COL28A1: variants seen among roughly 807,000 people sequenced by gnomAD.
COL28A1 encodes the protein collagen type XXVIII alpha 1 chain.
In COL28A1, 161 loss-of-function variants were observed where a neutral mutation model predicts 150.2. The observed-to-expected ratio is 1.07, with a 90% CI of 0.94 to 1.22. COL28A1 has a LOEUF of 1.22. COL28A1 is among the 50% of genes most tolerant of loss of function. COL28A1 has a pLI of 0.00. For missense variants in COL28A1, 1,617 were observed against 1,388.3 expected, an observed-to-expected ratio of 1.16 and a Z score of -2.62; for synonymous variants, 552 against 469.7, an observed-to-expected ratio of 1.18 and a Z score of -2.26.
At chr7:7,483,093 A>G (rs1383670224) in intron 13 of COL28A1, among the ~76,000 whole-genome samples, 1 of 152,172 alleles carries the variant, frequency 6.6e-6, no homozygotes, top group Non-Finnish European at 1.5e-5. Context: ...AGATTTTTGG[A>G]TTTTACAATG....
chr7:7,480,222 A>AT (rs1244813120), intron 13 of COL28A1, among the ~76,000 whole-genome samples: 5 of 152,092 alleles, frequency 3.3e-5, no homozygotes, highest in African/African-American at 4.8e-5. Flanking sequence ...TCAGTGTTTA[A>AT]TTTTTTTGTC....
chr7:7,433,697 A>T (rs2128315131), intron 23 of COL28A1, among the ~76,000 whole-genome samples: 1 of 152,120 alleles, frequency 6.6e-6, no homozygotes, highest in East Asian at 1.9e-4. Context: ...TAAAACTTGT[A>T]ATACTTCTTT....
chr7:7,526,723 C>T (rs1287410037), intron 3 of COL28A1, among the ~76,000 whole-genome samples: 5 of 152,068 alleles, frequency 3.3e-5, no homozygotes, highest in Non-Finnish European at 7.4e-5. Flanking sequence ...GCAACCTCCA[C>T]CTCCTGGGTT....
intron 33 of COL28A1, among the ~76,000 whole-genome samples, chr7:7,365,026 T>A (rs1197568197): frequency 3.3e-5 from 5 of 152,114 alleles, no homozygotes; most frequent in Non-Finnish European, 5.9e-5. Context: ...TAAAAAAAAT[T>A]AGGCCCTAAC....
At chr7:7,343,853 C>A in the COL28A1 span, among the ~76,000 whole-genome samples, 3 of 151,806 alleles carry the variant, frequency 2.0e-5, no homozygotes, top group Non-Finnish European at 4.4e-5. Flanking sequence ...ACAAAAAAAT[C>A]AAAAATTAGT....
At position 7,532,793 on chromosome 7, in the gene COL28A1, CCTTT is replaced by C; in HGVS notation, c.79_82del (p.Lys27AspfsTer20). ...CCTTGCAAGCAAATTTGATTTTGGT[CCTTT>C]CTTTCTTTGTCCGGATACTGTTTGA... On this transcript the variant is annotated frameshift_variant, in exon 2 of 35. Coordinates refer to ENST00000399429, the MANE Select transcript of COL28A1 (RefSeq NM_001037763.3). LOFTEE classifies it high-confidence loss of function. 1 of 1,611,034 alleles carries C rather than the reference CCTTT, an allele frequency of 6.2e-7. No individual in the cohort carries two copies. Among genetic ancestry groups the C allele is most frequent in the Non-Finnish European group, 8.5e-7 (1 of 1,178,938 alleles).
chr7:7,472,046 C>G (rs529909817), intron 15 of COL28A1, among the ~76,000 whole-genome samples: 2 of 152,296 alleles, frequency 1.3e-5, no homozygotes, highest in East Asian at 3.9e-4. Context: ...CCATCTATGA[C>G]AAACCCATAG....
At position 7,504,065 on chromosome 7, in the gene COL28A1, G is replaced by C. The variant is rs571365667; in HGVS notation, c.1026+1949C>G. On this transcript the variant is annotated intron_variant, in intron 11 of 34. Transcript: ENST00000399429. ...TTATGCTGTAAAAGTCAACCACAAA[G>C]TGCTATTATGTCAGAAAAATTATAA... Among the ~76,000 whole-genome samples, 3 of 152,234 alleles carry C rather than the reference G, an allele frequency of 2.0e-5. No homozygotes were observed. The East Asian group carries it at 5.8e-4, about 29-fold the overall frequency.
In COL28A1 at chr7:7,362,154, A is replaced by G. The variant is rs925947390; in HGVS notation, c.3067-1626T>C. Among the ~76,000 whole-genome samples, 3 of 152,210 alleles carry G rather than the reference A, an allele frequency of 2.0e-5. No individual in the cohort carries two copies. In the South Asian group the frequency reaches 6.2e-4, roughly 31 times the overall value. On this transcript the variant is annotated intron_variant, in intron 33 of 34. Transcript: ENST00000399429. ...TGTAACAAACCTGCACATTCTGCAC[A>G]TGTATCCCAGAACTTAAAGTATAAT...
the COL28A1 span, among the ~76,000 whole-genome samples, chr7:7,339,528 C>A: frequency 6.6e-6 from 1 of 152,126 alleles, no homozygotes; most frequent in Non-Finnish European, 1.5e-5. Context: ...CCTCGGCAGA[C>A]TTCTCTTTGA....
chr7:7,444,145 T>G (rs890332294), intron 19 of COL28A1, among the ~76,000 whole-genome samples: 1 of 151,948 alleles, frequency 6.6e-6, no homozygotes, highest in Non-Finnish European at 1.5e-5. Context: ...TTCTCTTAAG[T>G]TTAAATTAAT....
chr7:7,381,184 T>C (rs1410817675), intron 28 of COL28A1, among the ~76,000 whole-genome samples: 2 of 152,246 alleles, frequency 1.3e-5, no homozygotes, highest in East Asian at 1.9e-4. Flanking sequence ...CTACATGGTA[T>C]GTTGTAAGTA....
downstream of COL28A1, among the ~76,000 whole-genome samples, chr7:7,354,819 C>A (rs1377607744): frequency 1.3e-5 from 2 of 152,130 alleles, no homozygotes; most frequent in African/African-American, 4.8e-5. Context: ...TGTAACCCAG[C>A]AGGTTTGGCT....
intron 27 of COL28A1, among the ~76,000 whole-genome samples, chr7:7,383,892 A>T (rs910050206): frequency 6.6e-6 from 1 of 152,012 alleles, no homozygotes; most frequent in Admixed American, 6.6e-5. Context: ...CTAGGAGGAA[A>T]CTCTTACATC....
At chr7:7,480,682 C>A (rs1789317273) in intron 13 of COL28A1, among the ~76,000 whole-genome samples, 1 of 152,084 alleles carries the variant, frequency 6.6e-6, no homozygotes, top group African/African-American at 2.4e-5. Flanking sequence ...TTTTTTCATT[C>A]ATCCAACAAA....
intron 21 of COL28A1, among the ~76,000 whole-genome samples, chr7:7,437,797 T>C (rs960431601): frequency 2.0e-5 from 3 of 152,252 alleles, no homozygotes; most frequent in African/African-American, 7.2e-5. Flanking sequence ...AAGAGAATTT[T>C]TTTTTCAATA....
the COL28A1 span, among the ~76,000 whole-genome samples, chr7:7,339,489 C>A: frequency 6.6e-6 from 1 of 152,120 alleles, no homozygotes; most frequent in Non-Finnish European, 1.5e-5. Flanking sequence ...GAATACTGTT[C>A]TGACTCTCAA....
At chr7:7,436,982 G>A (rs749701828) in intron 22 of COL28A1, among the ~76,000 whole-genome samples, 13 of 152,332 alleles carry the variant, frequency 8.5e-5, no homozygotes, top group Non-Finnish European at 1.8e-4. Flanking sequence ...AGGTTGCAGT[G>A]AGACAAGATC....
chr7:7,357,243 T>C (rs1415018280), downstream of COL28A1: 2 of 152,206 alleles, frequency 1.3e-5, no homozygotes, highest in Non-Finnish European at 1.5e-5. Flanking sequence ...AGAGACGGGG[T>C]TTTACCATGT....
Sources: gnomAD v4.1 joint callset for allele counts (sites outside exome capture counted in the v4.1 genomes callset) on GRCh38, gnomAD v4.1.1 for gene constraint, MANE v1.5 for transcripts, NCBI Gene and HGNC (gene_info 2026-07-23, HGNC 2026-07-21) for gene names.